Variants in CCDC39 observed in about 807,000 individuals in gnomAD.
CCDC39 encodes coiled-coil domain 39 molecular ruler complex subunit.
Under a neutral mutation model 121.0 loss-of-function variants are expected in CCDC39, and 113 were observed. That is an observed-to-expected ratio of 0.93 (90% CI 0.80 to 1.09). CCDC39 has a LOEUF of 1.09. Among genes scored for constraint, CCDC39 ranks in the 50% least tolerant of loss-of-function variants. CCDC39 has a pLI of 0.00. For missense variants in CCDC39, 1,063 were observed against 1,074.7 expected (o/e 0.99, Z 0.15); for synonymous variants, 349 against 352.2 (o/e 0.99, Z 0.10).
chr3:180,668,402 A>T (rs1421071956), intron 1 of CCDC39, among the ~76,000 whole-genome samples: 2 of 151,940 alleles, frequency 1.3e-5, no homozygotes, highest in Non-Finnish European at 2.9e-5. Context: ...AAATGAAAAA[A>T]CCAAGGACTC....
Position 180,619,286 on chromosome 3 carries a change from T to A in CCDC39, c.2238A>T (p.Gln746His), listed in dbSNP as rs876657752. The A allele has an allele frequency of 2.9e-5, 45 of 1,543,140 alleles. No homozygotes were observed. The highest frequency in any genetic ancestry group is 3.8e-5 in the Non-Finnish European group (43 of 1,139,606). Residue 746 changes from glutamine to histidine, a missense_variant, in exon 16 of 20, where the codon CAA (glutamine) becomes CAT (histidine). Transcript: ENST00000476379. Reference protein sequence around the residue: ...VDEKYRYKQRQIRELQEDIQS... With the variant: ...VDEKYRYKQRHIRELQEDIQS... ...GGATGTCTTCTTGAAGTTCTCTGAT[T>A]TGTCTTTGTTTGTATCTGTATTTTT...
In CCDC39 at chr3:180,679,448, C is replaced by T. The variant is rs1712332770; in HGVS notation, c.-68G>A. The T allele has an allele frequency of 2.1e-6, 3 of 1,449,682 alleles. No individual in the cohort carries two copies. The highest frequency in any genetic ancestry group is 1.4e-5 in the African/African-American group (1 of 71,310). 89.8% of individuals were successfully genotyped at this position (1,449,682 alleles called of 1,614,324 possible). ...TCTTGTACAGCGGGTGAGCAGCACC[C>T]GCGTCAAGCCCAGGCACCTGCACAG... On this transcript the variant is annotated 5_prime_UTR_variant, in exon 1 of 20. Coordinates refer to ENST00000476379, the MANE Select transcript of CCDC39 (RefSeq NM_181426.2). This position sits in a 1 kb window ranked among gnomAD's most constrained non-coding sequence, Gnocchi z 4.0.
intron 10 of CCDC39, among the ~76,000 whole-genome samples, chr3:180,647,511 A>G (rs1474373199): frequency 6.6e-6 from 1 of 152,144 alleles, no homozygotes; most frequent in Non-Finnish European, 1.5e-5. Flanking sequence ...TCATACTACC[A>G]TGATGGAATC....
intron 9 of CCDC39, among the ~76,000 whole-genome samples, chr3:180,650,404 A>G (rs968728304): frequency 8.5e-5 from 13 of 152,226 alleles, no homozygotes; most frequent in African/African-American, 2.9e-4. Flanking sequence ...TTTGATTACA[A>G]AAAAACAGTG....
chr3:180,656,481 G>A (rs2108427185), intron 6 of CCDC39, among the ~76,000 whole-genome samples: 1 of 152,246 alleles, frequency 6.6e-6, no homozygotes, highest in South Asian at 2.1e-4. Flanking sequence ...GCAGGAAGAG[G>A]AACAAAAGAG....
intron 6 of CCDC39, among the ~76,000 whole-genome samples, chr3:180,658,182 T>C (rs978605615): frequency 2.0e-5 from 3 of 147,934 alleles, no homozygotes; most frequent in African/African-American, 5.0e-5. Flanking sequence ...GAGATTGCAG[T>C]GAGCTGAGAT....
chr3:180,642,347 A>G (rs893831773), intron 12 of CCDC39, 146 bp from the exon 13 acceptor site: 9 of 435,136 alleles, frequency 2.1e-5, no homozygotes, highest in Admixed American at 4.1e-5. Flanking sequence ...CCTAAAATTG[A>G]TCATAGTTTT....
At chr3:180,616,751 T>A in intron 17 of CCDC39, 56 bp from the exon 18 acceptor site, 18 of 1,575,130 alleles carry the variant, frequency 1.1e-5, no homozygotes, top group Non-Finnish European at 1.6e-5. Flanking sequence ...AATTTAATAT[T>A]TTTAATAGAT....
intron 13 of CCDC39, 27 bp downstream of exon 13, chr3:180,641,966 C>T: frequency 1.3e-6 from 2 of 1,485,892 alleles, no homozygotes; most frequent in Admixed American, 1.9e-5. Flanking sequence ...TTTTTAATTC[C>T]TCAGCAGTTT....
intron 1 of CCDC39, among the ~76,000 whole-genome samples, chr3:180,670,217 G>A (rs1576953764): frequency 6.6e-6 from 1 of 150,938 alleles, no homozygotes; most frequent in East Asian, 1.9e-4. Flanking sequence ...CCACTGCCTT[G>A]TAAAAAAAAA....
rs745514628 is a variant in CCDC39, at chr3:180,648,355, A to G, written c.1172T>C (p.Val391Ala). The G allele has an allele frequency of 1.3e-5, 20 of 1,540,972 alleles. No homozygotes were observed. Among genetic ancestry groups the G allele is most frequent in the Non-Finnish European group, 1.8e-5 (20 of 1,141,572 alleles). ...LKEEEKDVKE[V>A]DVQLNLIKGV... Reference sequence around the variant, plus strand: ...TTTTATGAGGTTCAGTTGAACATCTACTTCCTGATAATGAGAATTATAGTG... The same window carrying G: ...TTTTATGAGGTTCAGTTGAACATCTGCTTCCTGATAATGAGAATTATAGTG... The change falls in exon 10 of 20, where the codon GTA (valine) becomes GCA (alanine). Residue 391 changes from valine to alanine, a missense_variant. Val to Ala is a moderately conservative substitution (Grantham distance 64). Coordinates refer to ENST00000476379, the MANE Select transcript of CCDC39 (RefSeq NM_181426.2).
At position 180,619,937 on chromosome 3, in the gene CCDC39, C is replaced by T. The variant is rs1192275527; in HGVS notation, c.2032G>A (p.Gly678Ser). ...TTGATCTTGGCATCCAAACAGTCAC[C>T]TTCCCTTTGAAGTTCTTCTTTTTCT... ...AQEKEELQRE[G>S]DCLDAKINKA... The change falls in exon 15 of 20, where the codon GGT (glycine) becomes AGT (serine). Residue 678 changes from glycine to serine, a missense_variant. By Grantham distance (56) the Gly-to-Ser change is moderately conservative. Transcript: ENST00000476379. The T allele has an allele frequency of 6.2e-7, 1 of 1,608,574 alleles. No individual in the cohort carries two copies. Among genetic ancestry groups the T allele is most frequent in the Admixed American group, 1.7e-5 (1 of 59,424 alleles).
chr3:180,636,539 T>C (rs984918231), intron 13 of CCDC39, among the ~76,000 whole-genome samples: 3 of 147,616 alleles, frequency 2.0e-5, no homozygotes, highest in Non-Finnish European at 1.5e-5. Flanking sequence ...ATGTTATTTC[T>C]GTCAAACTAC....
chr3:180,649,230 A>G (rs1718143539), intron 9 of CCDC39, among the ~76,000 whole-genome samples: 1 of 152,118 alleles, frequency 6.6e-6, no homozygotes, highest in Admixed American at 6.5e-5. Flanking sequence ...GTGCAGCTCT[A>G]GGAAATAGAA....
chr3:180,641,029 A>G (rs1182399323), intron 13 of CCDC39, among the ~76,000 whole-genome samples: 1 of 152,092 alleles, frequency 6.6e-6, no homozygotes, highest in Non-Finnish European at 1.5e-5. Flanking sequence ...CAAAAATTGT[A>G]TTAAAATATT....
Position 180,616,337 on chromosome 3 carries a change from G to A in CCDC39, c.2613C>T (p.Ser871=), listed in dbSNP as rs960222324. 8.1e-6 allele frequency: 13 copies of A among 1,613,104 alleles called. No homozygotes were observed. Among genetic ancestry groups the A allele is most frequent in the Non-Finnish European group, 1.1e-5 (13 of 1,179,306 alleles). Residue 871 remains serine, a synonymous_variant, in exon 19 of 20, where the codon AGC becomes AGT. Coordinates refer to ENST00000476379, the MANE Select transcript of CCDC39 (RefSeq NM_181426.2). ...TAGAGCTCTGACGACTGCCTTTTGT[G>A]CTAGCTGTAGGTAGTTCTAACCCAC... is the stretch of plus-strand genomic sequence containing the variant. The part of the protein sequence containing the change: ...QQSGLELPTA[S]TKGSRQSSRS...
At chr3:180,652,685 A>C (rs954151280) in intron 7 of CCDC39, among the ~76,000 whole-genome samples, 1 of 152,164 alleles carries the variant, frequency 6.6e-6, no homozygotes, top group African/African-American at 2.4e-5. Flanking sequence ...ATAGTAAACT[A>C]TATTTTACTA....
intron 14 of CCDC39, among the ~76,000 whole-genome samples, chr3:180,628,729 C>T (rs558810159): frequency 3.3e-5 from 5 of 152,278 alleles, no homozygotes; most frequent in African/African-American, 1.2e-4. Context: ...ATTTTGTCTT[C>T]CAGTACTTAC....
At chr3:180,630,197 G>A (rs1454224591) in intron 14 of CCDC39, among the ~76,000 whole-genome samples, 1 of 151,984 alleles carries the variant, frequency 6.6e-6, no homozygotes, top group Non-Finnish European at 1.5e-5. Flanking sequence ...AACTTAATTG[G>A]AATTGCAACA....
Sources: gnomAD v4.1 joint callset for allele counts (sites outside exome capture counted in the v4.1 genomes callset) on GRCh38, gnomAD v4.1.1 for gene constraint, Gnocchi (gnomAD v3.1) non-coding constraint, MANE v1.5 for transcripts, NCBI Gene and HGNC (gene_info 2026-07-23, HGNC 2026-07-21) for gene names.